KIAA1958: variants seen among roughly 807,000 people sequenced by gnomAD.
The protein encoded by KIAA1958 is uncharacterized protein KIAA1958.
Under a neutral mutation model 47.2 loss-of-function variants are expected in KIAA1958, and 14 were observed. That is an observed-to-expected ratio of 0.30 (90% CI 0.20 to 0.46). The LOEUF (loss-of-function observed/expected upper bound fraction) is 0.46. Among genes scored for constraint, KIAA1958 ranks in the 20% least tolerant of loss-of-function variants. The pLI, the probability that KIAA1958 is intolerant of heterozygous loss-of-function variation, is 1.00. For synonymous variants in KIAA1958, 354 were observed against 353.3 expected (o/e 1.00, Z -0.02); for missense variants, 803 against 909.2 (o/e 0.88, Z 1.50).
At chr9:112,530,674 C>T (rs367580590) in intron 1 of KIAA1958, among the ~76,000 whole-genome samples, 13 of 152,208 alleles carry the variant, frequency 8.5e-5, no homozygotes, top group East Asian at 1.9e-4. Flanking sequence ...ACTTTTACTT[C>T]GCAAATCATA....
chr9:112,609,943 T>G (rs1836296876), intron 2 of KIAA1958, among the ~76,000 whole-genome samples: 1 of 152,184 alleles, frequency 6.6e-6, no homozygotes, highest in Non-Finnish European at 1.5e-5. Flanking sequence ...TCTTCCACAG[T>G]GCATTACCTT....
chr9:112,499,496 A>G (rs1319448742), intron 1 of KIAA1958, among the ~76,000 whole-genome samples: 1 of 152,116 alleles, frequency 6.6e-6, no homozygotes, highest in African/African-American at 2.4e-5. Flanking sequence ...GAATTTTGTT[A>G]ATGAGTATGA....
rs1247200515 is a variant in KIAA1958, at chr9:112,618,099, A to G, written c.1172-27551A>G. The G allele has an allele frequency of 1.6e-5, 25 of 1,550,480 alleles. No individual in the cohort carries two copies. The highest frequency in any genetic ancestry group is 2.7e-5 in the African/African-American group (2 of 73,030). On this transcript the variant is annotated intron_variant, in intron 2 of 3. Coordinates refer to ENST00000337530, the MANE Select transcript of KIAA1958 (RefSeq NM_133465.4). The surrounding 1 kb of genome is among the most constrained non-coding windows in gnomAD (Gnocchi z 7.1). ...GAATACGAACCCAACAGCTTGGCCA[A>G]TTACCAGTGTGGGCTCGAAAGGTAC...
intron 1 of KIAA1958, among the ~76,000 whole-genome samples, chr9:112,542,582 C>T (rs1260689135): frequency 6.6e-6 from 1 of 152,156 alleles, no homozygotes. Flanking sequence ...TAAAATTTCA[C>T]TGAAATCTTC....
At chr9:112,606,722 G>C (rs1836242783) in intron 2 of KIAA1958, among the ~76,000 whole-genome samples, 1 of 152,130 alleles carries the variant, frequency 6.6e-6, no homozygotes, top group Non-Finnish European at 1.5e-5. Flanking sequence ...TGTCCACTGA[G>C]TTACTGATGA....
At chr9:112,654,936 G>A (rs1837124398) in intron 3 of KIAA1958, among the ~76,000 whole-genome samples, 1 of 152,166 alleles carries the variant, frequency 6.6e-6, no homozygotes. Flanking sequence ...ATGGATGTGT[G>A]TGTATATATA....
intron 3 of KIAA1958, among the ~76,000 whole-genome samples, chr9:112,649,952 A>G (rs1371238607): frequency 6.6e-6 from 1 of 152,148 alleles, no homozygotes; most frequent in Non-Finnish European, 1.5e-5. Flanking sequence ...GTAAATATGT[A>G]AGTTTTTAAA....
chr9:112,588,100 C>CCTGCTT (rs1835860588), intron 2 of KIAA1958, among the ~76,000 whole-genome samples: 1 of 152,178 alleles, frequency 6.6e-6, no homozygotes, highest in African/African-American at 2.4e-5. Flanking sequence ...CCTCCCTGCT[C>CCTGCTT]CTGCTTCTCA....
At chr9:112,600,567 T>A (rs1836112620) in intron 2 of KIAA1958, among the ~76,000 whole-genome samples, 2 of 152,206 alleles carry the variant, frequency 1.3e-5, no homozygotes, top group South Asian at 4.1e-4. Context: ...ATCACAGAAT[T>A]TTCAGCTTTA....
At position 112,660,330 on chromosome 9, in the gene KIAA1958, C is replaced by T. The variant is rs1837255466; in HGVS notation, c.*261C>T. ...AATCTAACACAATGTATAATTGTTACATACAAGAGTGAGGAAATTCATTTT... is the reference window on the plus strand; with the variant it reads ...AATCTAACACAATGTATAATTGTTATATACAAGAGTGAGGAAATTCATTTT... On this transcript the variant is annotated 3_prime_UTR_variant, in exon 4 of 4. Transcript: ENST00000337530. The T allele has an allele frequency of 2.2e-6, 1 of 460,716 alleles. No homozygotes were observed. The highest frequency in any genetic ancestry group is 1.9e-5 in the African/African-American group (1 of 51,996). The allele number at this position is 460,716 out of a possible 1,614,324, so 28.5% of individuals were successfully genotyped here.
chr9:112,647,604 C>T (rs1464160), intron 3 of KIAA1958, among the ~76,000 whole-genome samples: 2,377 of 152,224 alleles, frequency 0.016, 66 homozygotes, highest in African/African-American at 0.052. Context: ...TATAGAAATA[C>T]GCAACAATAT....
chr9:112,522,062 C>T (rs1253061462), intron 1 of KIAA1958, among the ~76,000 whole-genome samples: 4 of 152,120 alleles, frequency 2.6e-5, no homozygotes, highest in Non-Finnish European at 5.9e-5. Flanking sequence ...ACCTCCGCCT[C>T]CCAGGTTCAA....
chr9:112,630,265 C>T (rs568693455), intron 2 of KIAA1958, among the ~76,000 whole-genome samples: 8 of 152,342 alleles, frequency 5.3e-5, no homozygotes, highest in African/African-American at 1.9e-4. Flanking sequence ...AATTAACTCA[C>T]TTGTTTTTGT....
rs920025208 is a variant in KIAA1958, at chr9:112,668,747, T to C, written c.*8678T>C. ...TGGACTGCTTTGCATTTCCTTAGTT[T>C]TTCATTCTGAAACAGAGCAAAACAT... On this transcript the variant is annotated 3_prime_UTR_variant, in exon 4 of 4. Coordinates refer to ENST00000337530, the MANE Select transcript of KIAA1958 (RefSeq NM_133465.4). 6.6e-6 allele frequency: 1 copy of C among 152,216 alleles called. No individual in the cohort carries two copies. The highest frequency in any genetic ancestry group is 2.4e-5 in the African/African-American group (1 of 41,446). The allele number at this position is 152,216 out of a possible 1,614,324, so 9.4% of individuals were successfully genotyped here.
chr9:112,559,892 C>T (rs751076872), intron 1 of KIAA1958, among the ~76,000 whole-genome samples: 7 of 152,126 alleles, frequency 4.6e-5, no homozygotes, highest in African/African-American at 4.8e-5. Flanking sequence ...TATTGCTAGT[C>T]ATCACATGGG....
At position 112,574,336 on chromosome 9, in the gene KIAA1958, A is replaced by C. The variant is rs1318393836; in HGVS notation, c.256A>C (p.Ser86Arg). The change falls in exon 2 of 4, where the codon AGT becomes CGT. Residue 86 changes from serine to arginine, a missense_variant. This residue lies in a region of KIAA1958 where 761 missense variants were observed against 829.3 expected (regional missense o/e 0.92). Coordinates refer to ENST00000337530, the MANE Select transcript of KIAA1958 (RefSeq NM_133465.4). ...DNRSFNSDSPSIIGVPSETQT... is the reference protein window; with the variant it reads ...DNRSFNSDSPRIIGVPSETQT... ...CAGAAGTTTTAACTCTGATAGTCCC[A>C]GTATAATCGGGGTGCCCTCTGAGAC... 1 of 1,614,210 alleles carries C rather than the reference A, an allele frequency of 6.2e-7. No individual in the cohort carries two copies. Among genetic ancestry groups the C allele is most frequent in the East Asian group, 2.2e-5 (1 of 44,878 alleles).
At chr9:112,489,517 T>C (rs1207641572) in intron 1 of KIAA1958, among the ~76,000 whole-genome samples, 1 of 151,936 alleles carries the variant, frequency 6.6e-6, no homozygotes, top group African/African-American at 2.4e-5. Flanking sequence ...ATTTTTTGTT[T>C]TTTGTGTAAT....
chr9:112,632,035 T>G (rs2131230538), intron 2 of KIAA1958, among the ~76,000 whole-genome samples: 1 of 152,256 alleles, frequency 6.6e-6, no homozygotes, highest in Non-Finnish European at 1.5e-5. Context: ...AAAGAACATT[T>G]TATTTATTTT....
At chr9:112,588,584 T>C (rs921194172) in intron 2 of KIAA1958, among the ~76,000 whole-genome samples, 1 of 152,166 alleles carries the variant, frequency 6.6e-6, no homozygotes. Context: ...TGTGCAGAAG[T>C]GTATCTTAGA....
Sources: gnomAD v4.1 joint callset for allele counts (sites outside exome capture counted in the v4.1 genomes callset) on GRCh38, gnomAD v4.1.1 for gene constraint, gnomAD v4.1.1 regional missense constraint, Gnocchi (gnomAD v3.1) non-coding constraint, MANE v1.5 for transcripts, NCBI Gene and HGNC (gene_info 2026-07-23, HGNC 2026-07-21) for gene names.